The following THRAP3 variants were observed in gnomAD, a reference collection of about 807,000 sequenced individuals.
THRAP3 encodes thyroid hormone receptor associated protein 3.
THRAP3 carries 16 observed loss-of-function variants against 101.0 expected under a neutral mutation model. That is an observed-to-expected ratio of 0.16 (90% CI 0.11 to 0.24). The LOEUF is 0.24. Among genes scored for constraint, THRAP3 ranks in the 10% least tolerant of loss-of-function variants. THRAP3 has a pLI of 1.00. For missense variants in THRAP3, 989 were observed against 1,202.7 expected (o/e 0.82, Z 2.63); for synonymous variants, 407 against 422.6 (o/e 0.96, Z 0.45).
intron 1 of THRAP3, among the ~76,000 whole-genome samples, chr1:36,251,140 T>G (rs1645296035): frequency 6.6e-6 from 1 of 152,200 alleles, no homozygotes; most frequent in East Asian, 1.9e-4. Flanking sequence ...GAATTTGATC[T>G]GATACCTGCC....
chr1:36,243,800 G>A (rs1373533370), intron 1 of THRAP3, among the ~76,000 whole-genome samples: 21 of 446 alleles, frequency 0.047, 1 homozygote, highest in Non-Finnish European at 0.094. Context: ...CTCACCTCCC[G>A]GACGGGCGGC....
At chr1:36,214,014 GAAAGAAAGAAA>G in the THRAP3 span, among the ~76,000 whole-genome samples, 65 of 72,806 alleles carry the variant, frequency 8.9e-4, no homozygotes, top group African/African-American at 1.3e-3. Context: ...AAGAAAGAAA[GAAAGAAAGAAA>G]GAAAGAAAGA....
chr1:36,240,019 AAT>A (rs1645136258), intron 1 of THRAP3, among the ~76,000 whole-genome samples: 1 of 152,214 alleles, frequency 6.6e-6, no homozygotes, highest in Non-Finnish European at 1.5e-5. Flanking sequence ...TTACACAAAG[AAT>A]ATAAATATTT....
intron 1 of THRAP3, among the ~76,000 whole-genome samples, chr1:36,241,192 C>CAAAAAA (rs35954224): frequency 2.4e-5 from 3 of 123,272 alleles, no homozygotes; most frequent in Non-Finnish European, 4.9e-5. Flanking sequence ...GACTCCGTTT[C>CAAAAAA]AAAAAAAAAA....
intron 2 of THRAP3, among the ~76,000 whole-genome samples, chr1:36,278,929 AAAAT>A (rs944276581): frequency 1.1e-4 from 17 of 152,172 alleles, no homozygotes; most frequent in Admixed American, 7.9e-4. Flanking sequence ...GTCTCAAAAA[AAAAT>A]AAATAAATAA....
At chr1:36,293,642 G>GTGTGTGTGTGTGTGTGTA (rs1198416321) in intron 7 of THRAP3, among the ~76,000 whole-genome samples, 1 of 134,460 alleles carries the variant, frequency 7.4e-6, no homozygotes, top group African/African-American at 3.7e-5. Flanking sequence ...ACCTGGGACT[G>GTGTGTGTGTGTGTGTGTA]TGTGTGTGTG....
chr1:36,302,533 G>T (rs1405146173), intron 11 of THRAP3, among the ~76,000 whole-genome samples: 1 of 152,166 alleles, frequency 6.6e-6, no homozygotes, highest in Non-Finnish European at 1.5e-5. Context: ...CTGCTGTAGG[G>T]AAAAGATTAA....
Position 36,296,678 on chromosome 1 carries a change from G to A in THRAP3, c.2211G>A (p.Ser737=). The A allele has an allele frequency of 2.5e-6, 4 of 1,610,432 alleles. No homozygotes were observed. Among genetic ancestry groups the A allele is most frequent in the Non-Finnish European group, 3.4e-6 (4 of 1,179,214 alleles). The change falls in exon 9 of 12, where the codon TCG becomes TCA. Residue 737 remains serine (S), a synonymous_variant. Transcript: ENST00000354618. The part of the protein sequence containing the change: ...HKERDLKRGK[S]RESVDSRDSS... ...AGAGAGATCTTAAACGAGGTAAATC[G>A]AGAGAATCAGTGGATTCCCGAGACT...
the THRAP3 span, among the ~76,000 whole-genome samples, chr1:36,212,477 G>A: frequency 7.0e-6 from 1 of 143,632 alleles, no homozygotes; most frequent in Non-Finnish European, 1.5e-5. Flanking sequence ...CTGAAGTGCA[G>A]TGGCGCGATC....
rs545730702 is a variant in THRAP3, at chr1:36,257,872, G to C, written c.-134-1510G>C. Among the ~76,000 whole-genome samples, 3 of 152,134 alleles carry C rather than the reference G, an allele frequency of 2.0e-5. No homozygotes were observed. The South Asian group carries it at 6.2e-4, about 32-fold the overall frequency. On this transcript the variant is annotated intron_variant, in intron 1 of 11. Transcript: ENST00000354618. Reference sequence around the variant, plus strand: ...TTTTGTTGTTTTGAGACAGAGTCTCGCTCTGTCACCCACGCTGGAGTGCAA... The same window carrying C: ...TTTTGTTGTTTTGAGACAGAGTCTCCCTCTGTCACCCACGCTGGAGTGCAA...
chr1:36,257,819 G>C (rs913719593), intron 1 of THRAP3, among the ~76,000 whole-genome samples: 2 of 152,152 alleles, frequency 1.3e-5, no homozygotes, highest in African/African-American at 4.8e-5. Context: ...TAGAGGGAAA[G>C]ATGGATGTAT....
chr1:36,287,289 C>G lies in THRAP3; in HGVS notation c.1040+19C>G, dbSNP rs1645809259. ...CAAAGAGGCAAGTATCTCATTTCCC[C>G]TGCCTGGTTGTGTTTTTATCTCACT... On this transcript the variant is annotated intron_variant, in intron 4 of 11. Transcript: ENST00000354618. 3 of 1,570,278 alleles carry G rather than the reference C, an allele frequency of 1.9e-6. No homozygotes were observed. The highest frequency in any genetic ancestry group is 2.6e-6 in the Non-Finnish European group (3 of 1,157,752).
chr1:36,249,175 A>G (rs899711917), intron 1 of THRAP3, among the ~76,000 whole-genome samples: 4 of 135,432 alleles, frequency 3.0e-5, no homozygotes, highest in Non-Finnish European at 6.2e-5. Flanking sequence ...AAGCCACCGC[A>G]CCCAGCCAGC....
intron 1 of THRAP3, among the ~76,000 whole-genome samples, chr1:36,244,351 G>A (rs1221934536): frequency 6.6e-6 from 1 of 151,982 alleles, no homozygotes; most frequent in African/African-American, 2.4e-5. Flanking sequence ...GTCAAATCTA[G>A]TAGCTACTTC....
At chr1:36,238,671 G>A (rs1400127901) in intron 1 of THRAP3, among the ~76,000 whole-genome samples, 1 of 152,160 alleles carries the variant, frequency 6.6e-6, no homozygotes, top group Non-Finnish European at 1.5e-5. Flanking sequence ...ACTTTTAGAA[G>A]ATTTAGTGTA....
chr1:36,242,377 T>C (rs947849669), intron 1 of THRAP3, among the ~76,000 whole-genome samples: 2 of 152,008 alleles, frequency 1.3e-5, no homozygotes, highest in Non-Finnish European at 2.9e-5. Context: ...GATCTTGAAC[T>C]CCTGGGCTGA....
chr1:36,281,836 C>T (rs977514785), intron 2 of THRAP3, among the ~76,000 whole-genome samples: 10 of 151,938 alleles, frequency 6.6e-5, no homozygotes, highest in Admixed American at 2.6e-4. Context: ...TTTGGGAGGC[C>T]GAGCCGGGCA....
At chr1:36,282,813 C>A in intron 3 of THRAP3, 113 bp downstream of exon 3, 1 of 1,218,238 alleles carries the variant, frequency 8.2e-7, no homozygotes, top group Non-Finnish European at 1.2e-6. Flanking sequence ...GGGGGGTTGG[C>A]TTGAGGTGCA....
At chr1:36,247,119 C>G (rs1457101635) in intron 1 of THRAP3, among the ~76,000 whole-genome samples, 1 of 151,848 alleles carries the variant, frequency 6.6e-6, no homozygotes, top group African/African-American at 2.4e-5. Flanking sequence ...GAGTTCCAGA[C>G]CAGCCTGGTC....
Sources: allele counts gnomAD v4.1 joint callset (sites outside exome capture counted in the v4.1 genomes callset), GRCh38; gene constraint gnomAD v4.1.1; transcripts MANE v1.5; gene names NCBI Gene and HGNC (gene_info 2026-07-23, HGNC 2026-07-21).